PKNOX2: variants seen among roughly 807,000 people sequenced by gnomAD.
PKNOX2 encodes homeobox protein PKNOX2.
PKNOX2 carries 14 observed loss-of-function variants against 53.1 expected under a neutral mutation model. That is an observed-to-expected ratio of 0.26 (90% CI 0.17 to 0.41). The LOEUF (loss-of-function observed/expected upper bound fraction) is 0.41. PKNOX2 is among the 10% of genes least tolerant of loss of function. The pLI, the probability that PKNOX2 is intolerant of heterozygous loss-of-function variation, is 1.00. For synonymous variants in PKNOX2, 257 were observed against 242.8 expected (o/e 1.06, Z -0.54); for missense variants, 496 against 602.8 (o/e 0.82, Z 1.85).
chr11:125,347,846 T>C (rs980303078), intron 3 of PKNOX2, among the ~76,000 whole-genome samples: 4 of 152,226 alleles, frequency 2.6e-5, no homozygotes, highest in Admixed American at 6.5e-5. Context: ...AACCTTTCCC[T>C]GTGAGCCTGT....
intron 2 of PKNOX2, among the ~76,000 whole-genome samples, chr11:125,306,377 G>A (rs1272977809): frequency 6.6e-6 from 1 of 152,162 alleles, no homozygotes; most frequent in Non-Finnish European, 1.5e-5. Flanking sequence ...GCAGGTTTAG[G>A]TGCCATTGAA....
intron 2 of PKNOX2, among the ~76,000 whole-genome samples, chr11:125,313,023 C>T (rs1454481236): frequency 1.3e-5 from 2 of 152,080 alleles, no homozygotes; most frequent in Non-Finnish European, 2.9e-5. Context: ...ACTGGAGGCC[C>T]GTGTCATGCT....
At chr11:125,216,384 C>G (rs550372304) in intron 1 of PKNOX2, among the ~76,000 whole-genome samples, 63 of 152,318 alleles carry the variant, frequency 4.1e-4, no homozygotes, top group Non-Finnish European at 8.4e-4. Context: ...GTAAGTTGCT[C>G]TTGCCTCCAC....
At chr11:125,324,626 G>A (rs886675392) in intron 2 of PKNOX2, among the ~76,000 whole-genome samples, 9 of 152,180 alleles carry the variant, frequency 5.9e-5, no homozygotes, top group South Asian at 2.1e-4. Context: ...AACGGTCCTC[G>A]TGCAGCCTGT....
At chr11:125,399,797 G>A (rs1447404201) in intron 7 of PKNOX2, among the ~76,000 whole-genome samples, 1 of 152,172 alleles carries the variant, frequency 6.6e-6, no homozygotes, top group African/African-American at 2.4e-5. Context: ...GGTGCACCAG[G>A]GTAGTGGGGG....
chr11:125,363,397 A>G (rs995916552), intron 4 of PKNOX2, among the ~76,000 whole-genome samples: 1 of 152,222 alleles, frequency 6.6e-6, no homozygotes, highest in African/African-American at 2.4e-5. Context: ...GAATCCAAAG[A>G]GATCAGGAAA....
intron 1 of PKNOX2, among the ~76,000 whole-genome samples, chr11:125,206,615 C>T (rs922180230): frequency 2.6e-5 from 4 of 152,036 alleles, no homozygotes; most frequent in South Asian, 2.1e-4. Flanking sequence ...TTGCTACTTG[C>T]GAGCTGGTGA....
At chr11:125,242,557 C>T (rs1312734581) in intron 2 of PKNOX2, among the ~76,000 whole-genome samples, 2 of 152,080 alleles carry the variant, frequency 1.3e-5, no homozygotes, top group South Asian at 2.1e-4. Flanking sequence ...GACTGCTGCC[C>T]AGCTGGTGGG....
At chr11:125,322,011 A>G (rs1019900323) in intron 2 of PKNOX2, among the ~76,000 whole-genome samples, 5 of 152,132 alleles carry the variant, frequency 3.3e-5, no homozygotes, top group Non-Finnish European at 5.9e-5. Flanking sequence ...ATCACTTCCC[A>G]AAAGGCTCCA....
intron 2 of PKNOX2, among the ~76,000 whole-genome samples, chr11:125,317,632 C>T (rs1407977529): frequency 1.3e-5 from 2 of 152,196 alleles, no homozygotes; most frequent in South Asian, 4.1e-4. Flanking sequence ...TAGGTCTCAA[C>T]GTTGGGCTTA....
chr11:125,238,161 A>C (rs1193813984), intron 2 of PKNOX2, among the ~76,000 whole-genome samples: 2 of 152,172 alleles, frequency 1.3e-5, no homozygotes, highest in Non-Finnish European at 2.9e-5. Flanking sequence ...TTGTGACTTA[A>C]GGGGATAGAA....
chr11:125,165,492 A>G lies in PKNOX2; in HGVS notation c.-201+716A>G, dbSNP rs1954797000. Among the ~76,000 whole-genome samples the G allele has an allele frequency of 6.6e-6, 1 of 151,896 alleles. No individual in the cohort carries two copies. Among genetic ancestry groups the G allele is most frequent in the South Asian group, 2.1e-4 (1 of 4,828 alleles). On this transcript the variant is annotated intron_variant, in intron 1 of 12. Transcript: ENST00000298282. This position sits in a 1 kb window ranked among gnomAD's most constrained non-coding sequence, Gnocchi z 4.5. ...ATGCTTTCCAGCGGCTGGAGGCGGG[A>G]GCGGTCCCAGGCTGGGGCCAGGTGA... is the stretch of plus-strand genomic sequence containing the variant.
Position 125,240,794 on chromosome 11 carries a change from T to A in PKNOX2, c.-130+5679T>A, listed in dbSNP as rs932566515. ...GTATCCTTGGCTGTGGGGGGACTAG[T>A]GATGGTGTAGGGTCCCCTCCTCTTG... is the stretch of plus-strand genomic sequence containing the variant. On this transcript the variant is annotated intron_variant, in intron 2 of 12. Transcript: ENST00000298282. The surrounding 1 kb of genome is among the most constrained non-coding windows in gnomAD (Gnocchi z 4.3). Among the ~76,000 whole-genome samples the A allele has an allele frequency of 6.6e-6, 1 of 152,052 alleles. No individual in the cohort carries two copies. The highest frequency in any genetic ancestry group is 2.4e-5 in the African/African-American group (1 of 41,400).
At chr11:125,212,951 A>G (rs1188156897) in intron 1 of PKNOX2, among the ~76,000 whole-genome samples, 2 of 152,030 alleles carry the variant, frequency 1.3e-5, no homozygotes, top group African/African-American at 2.4e-5. Flanking sequence ...AGGCTCTTGC[A>G]CCACCATCTG....
At chr11:125,279,402 T>C (rs1049471537) in intron 2 of PKNOX2, among the ~76,000 whole-genome samples, 1 of 152,176 alleles carries the variant, frequency 6.6e-6, no homozygotes, top group African/African-American at 2.4e-5. Flanking sequence ...CACAAGCTGA[T>C]AAAGGAGACC....
At chr11:125,257,258 T>A (rs1292352154) in intron 2 of PKNOX2, among the ~76,000 whole-genome samples, 2 of 152,092 alleles carry the variant, frequency 1.3e-5, no homozygotes, top group Non-Finnish European at 2.9e-5. Context: ...CTCTTCGCTG[T>A]CCCCGGCTGG....
At chr11:125,182,380 T>C (rs1475350187) in intron 1 of PKNOX2, among the ~76,000 whole-genome samples, 1 of 152,190 alleles carries the variant, frequency 6.6e-6, no homozygotes, top group Non-Finnish European at 1.5e-5. Flanking sequence ...TAGATGTCTA[T>C]GGAAGATCTA....
intron 2 of PKNOX2, among the ~76,000 whole-genome samples, chr11:125,241,298 G>T (rs150524499): frequency 3.3e-5 from 5 of 152,090 alleles, no homozygotes; most frequent in African/African-American, 4.8e-5. Flanking sequence ...TTTATGCCTC[G>T]GTGCCTTTGC....
intron 10 of PKNOX2, among the ~76,000 whole-genome samples, chr11:125,421,057 T>A (rs1431802452): frequency 1.3e-5 from 2 of 152,138 alleles, no homozygotes; most frequent in Non-Finnish European, 2.9e-5. Context: ...AAAAAAAACA[T>A]GATCTAAGTT....
Sources: allele counts gnomAD v4.1 joint callset (sites outside exome capture counted in the v4.1 genomes callset), GRCh38; gene constraint gnomAD v4.1.1; non-coding constraint Gnocchi (gnomAD v3.1); transcripts MANE v1.5; gene names NCBI Gene and HGNC (gene_info 2026-07-23, HGNC 2026-07-21).